Variants in CDH2 observed in about 807,000 individuals in gnomAD.
The protein encoded by CDH2 is cadherin 2.
CDH2 carries 17 observed loss-of-function variants against 92.0 expected under a neutral mutation model. The observed-to-expected ratio is 0.18, with a 90% CI of 0.13 to 0.28. CDH2 has a LOEUF of 0.28. CDH2 is among the 10% of genes least tolerant of loss of function. The pLI, the probability that CDH2 is intolerant of heterozygous loss-of-function variation, is 1.00. For missense variants in CDH2, 862 were observed against 1,133.1 expected, an observed-to-expected ratio of 0.76 and a Z score of 3.44; for synonymous variants, 419 against 415.9, an observed-to-expected ratio of 1.01 and a Z score of -0.09.
intron 1 of CDH2, among the ~76,000 whole-genome samples, chr18:28,159,518 G>T (rs1020348453): frequency 1.3e-5 from 2 of 152,154 alleles, no homozygotes; most frequent in African/African-American, 4.8e-5. Flanking sequence ...CCCTTTCAAA[G>T]ACTTCAGCAC....
intron 6 of CDH2, among the ~76,000 whole-genome samples, chr18:27,940,561 T>C (rs1176428945): frequency 6.6e-6 from 1 of 152,190 alleles, no homozygotes; most frequent in Non-Finnish European, 1.5e-5. Context: ...TTTATGCTCA[T>C]TTGAGGAGCC....
chr18:28,066,742 C>CAA (rs371551674), intron 2 of CDH2, among the ~76,000 whole-genome samples: 28 of 138,406 alleles, frequency 2.0e-4, no homozygotes, highest in African/African-American at 3.4e-4. Context: ...CTGTAAATTA[C>CAA]AAAAAAAAAA....
At chr18:28,044,850 CGT>C (rs68093312) in intron 2 of CDH2, among the ~76,000 whole-genome samples, 4,930 of 148,280 alleles carry the variant, frequency 0.033, 106 homozygotes, top group African/African-American at 0.063. Flanking sequence ...TATATAACAT[CGT>C]GTGTGTGTGT....
chr18:27,942,540 T>C (rs1909164679), intron 6 of CDH2, among the ~76,000 whole-genome samples: 1 of 152,176 alleles, frequency 6.6e-6, no homozygotes, highest in Non-Finnish European at 1.5e-5. Context: ...CATGTTTAAT[T>C]TCTTCTCAAG....
intron 2 of CDH2, among the ~76,000 whole-genome samples, chr18:28,047,868 C>CA (rs149752979): frequency 0.04 from 1,845 of 46,258 alleles, 75 homozygotes; most frequent in East Asian, 0.12. Flanking sequence ...GACTCCATCT[C>CA]AAAAAAAAAA....
chr18:28,137,419 G>A (rs943717496), intron 2 of CDH2, among the ~76,000 whole-genome samples: 5 of 152,046 alleles, frequency 3.3e-5, no homozygotes, highest in African/African-American at 1.2e-4. Flanking sequence ...CATTGAAGAG[G>A]GAAAAATAAT....
In CDH2 at chr18:27,945,323, A is replaced by T. The variant is rs1490592452; in HGVS notation, c.1152-12199T>A. On this transcript the variant is annotated intron_variant, in intron 6 of 6. Coordinates refer to the CDH2 transcript ENST00000675173. Reference sequence around the variant, plus strand: ...CAACTGATACTTTCCAGGAAGGAAGATTTTTTTTTTTTTTTTTTTTTTTTT... The same window carrying T: ...CAACTGATACTTTCCAGGAAGGAAGTTTTTTTTTTTTTTTTTTTTTTTTTT... 4.9e-3 allele frequency among the ~76,000 whole-genome samples: 326 copies of T among 66,454 alleles called. 1 individual carries two copies. Among genetic ancestry groups the T allele is most frequent in the Middle Eastern group, 0.014 (1 of 72 alleles). 43.6% of individuals were successfully genotyped at this position (66,454 alleles called of 152,430 possible).
chr18:27,978,293 G>A (rs959107662), intron 14 of CDH2, among the ~76,000 whole-genome samples: 1 of 152,088 alleles, frequency 6.6e-6, no homozygotes, highest in African/African-American at 2.4e-5. Flanking sequence ...TTACCCTATT[G>A]GTTTCAAGAC....
intron 2 of CDH2, among the ~76,000 whole-genome samples, chr18:28,136,804 G>A (rs543230354): frequency 6.6e-6 from 1 of 152,236 alleles, no homozygotes; most frequent in South Asian, 2.1e-4. Flanking sequence ...AAATATCTAA[G>A]TATAGTAGAA....
chr18:28,149,148 C>G (rs1391273968), intron 1 of CDH2, among the ~76,000 whole-genome samples: 2 of 152,204 alleles, frequency 1.3e-5, no homozygotes, highest in South Asian at 4.1e-4. Flanking sequence ...TTGGCAAACT[C>G]TAGTAAAGAT....
chr18:27,994,081 A>G (rs2012508425), intron 7 of CDH2, among the ~76,000 whole-genome samples: 1 of 152,258 alleles, frequency 6.6e-6, no homozygotes. Context: ...CACAAAGTAT[A>G]TAAGCTTTCC....
At chr18:28,079,359 G>A (rs558208264) in intron 2 of CDH2, among the ~76,000 whole-genome samples, 8 of 152,294 alleles carry the variant, frequency 5.3e-5, no homozygotes, top group Admixed American at 1.3e-4. Flanking sequence ...AGAGCACAGT[G>A]TAAAGTTTAC....
In CDH2 at chr18:28,157,425, C is replaced by T. The variant is rs17495229; in HGVS notation, c.61-9641G>A. On this transcript the variant is annotated intron_variant, in intron 1 of 15. Transcript: ENST00000269141. The stretch of plus-strand genomic sequence containing the variant: ...TGCAATATATCTTAAATAGTCCTCA[C>T]AATAACCCTATGAGGTAGATGCTGT... Among the ~76,000 whole-genome samples, 636 of 152,258 alleles carry T rather than the reference C, an allele frequency of 4.2e-3. 4 individuals carry two copies. Among genetic ancestry groups the T allele is most frequent in the African/African-American group, 0.015 (604 of 41,554 alleles).
intron 7 of CDH2, among the ~76,000 whole-genome samples, chr18:27,995,268 C>A (rs17522387): frequency 0.015 from 2,006 of 136,202 alleles, 47 homozygotes; most frequent in African/African-American, 0.053. Context: ...GAGCCGAGAT[C>A]GTGCCACTGT....
chr18:27,992,784 C>T lies in CDH2; in HGVS notation c.1215G>A (p.Val405=), dbSNP rs143152128. 2.7e-5 allele frequency: 44 copies of T among 1,613,880 alleles called. No individual in the cohort carries two copies. Among genetic ancestry groups the T allele is most frequent in the Non-Finnish European group, 3.7e-5 (44 of 1,179,934 alleles). The change falls in exon 9 of 16, where the codon GTG becomes GTA. Residue 405 remains valine (V), a synonymous_variant. Coordinates refer to ENST00000269141, the MANE Select transcript of CDH2 (RefSeq NM_001792.5). The part of the protein sequence containing the change: ...RVDIIVANLT[V]TDKDQPHTPA... Reference sequence around the variant, plus strand: ...GTGTATGGGGTTGATCCTTATCGGTCACAGTTAGATTAGCTACTATGATGT... The same window carrying T: ...GTGTATGGGGTTGATCCTTATCGGTTACAGTTAGATTAGCTACTATGATGT...
intron 2 of CDH2, among the ~76,000 whole-genome samples, chr18:28,068,331 T>C: frequency 6.6e-6 from 1 of 152,194 alleles, no homozygotes; most frequent in East Asian, 1.9e-4. Context: ...GCATGAACAA[T>C]GGCTATCTAT....
chr18:28,074,713 A>T (rs1159072597), intron 2 of CDH2, among the ~76,000 whole-genome samples: 2 of 151,230 alleles, frequency 1.3e-5, no homozygotes, highest in Non-Finnish European at 2.9e-5. Flanking sequence ...TAACTATTTA[A>T]ATCTTTTTAT....
chr18:28,017,530 T>G (rs570760794), intron 2 of CDH2, among the ~76,000 whole-genome samples: 9 of 152,274 alleles, frequency 5.9e-5, no homozygotes, highest in Non-Finnish European at 1.2e-4. Flanking sequence ...TCGTTAACGG[T>G]CTACTAGTTT....
intron 2 of CDH2, among the ~76,000 whole-genome samples, chr18:28,093,732 T>C (rs946572110): frequency 2.6e-5 from 4 of 152,244 alleles, no homozygotes; most frequent in East Asian, 1.9e-4. Flanking sequence ...CATTCTTTTA[T>C]ACATTATACT....
Sources: gnomAD v4.1 joint callset for allele counts (sites outside exome capture counted in the v4.1 genomes callset) on GRCh38, gnomAD v4.1.1 for gene constraint, MANE v1.5 for transcripts, NCBI Gene and HGNC (gene_info 2026-07-23, HGNC 2026-07-21) for gene names.